Variants in EEFSEC observed in about 807,000 individuals in gnomAD.
The protein encoded by EEFSEC is eukaryotic elongation factor, selenocysteine-tRNA specific.
A neutral mutation model predicts 42.1 loss-of-function variants in EEFSEC; 43 were observed. The observed-to-expected ratio is 1.02, with a 90% CI of 0.80 to 1.32. EEFSEC has a LOEUF of 1.32. Ranked by LOEUF, EEFSEC falls within the 40% of genes most tolerant of loss-of-function variation. The probability of loss-of-function intolerance (pLI) is 0.00; values close to 1 mark genes in which losing one functional copy is unlikely to be tolerated. For synonymous variants in EEFSEC, 354 were observed against 339.1 expected (o/e 1.04, Z -0.48); for missense variants, 745 against 803.6 (o/e 0.93, Z 0.88).
chr3:128,424,057 C>G, the EEFSEC span, among the ~76,000 whole-genome samples: 1 of 152,144 alleles, frequency 6.6e-6, no homozygotes, highest in African/African-American at 2.4e-5. Flanking sequence ...CGCACACACA[C>G]ACTATGCATG....
At chr3:128,393,116 CAAAG>C (rs1056417773) in intron 6 of EEFSEC, among the ~76,000 whole-genome samples, 12 of 152,230 alleles carry the variant, frequency 7.9e-5, no homozygotes, top group African/African-American at 2.9e-4. Flanking sequence ...GTTTAAAAAA[CAAAG>C]AAGAAGCTTT....
At chr3:128,167,081 G>C (rs567114023) in intron 1 of EEFSEC, among the ~76,000 whole-genome samples, 1 of 152,280 alleles carries the variant, frequency 6.6e-6, no homozygotes, top group South Asian at 2.1e-4. Flanking sequence ...ATGCAGGTCT[G>C]TGGACAGACA....
At chr3:128,173,387 G>C (rs548759438) in intron 1 of EEFSEC, among the ~76,000 whole-genome samples, 8 of 152,198 alleles carry the variant, frequency 5.3e-5, no homozygotes, top group Non-Finnish European at 1.0e-4. Context: ...TTTCCAGTCA[G>C]ATTCTTGAAT....
chr3:128,387,144 C>T (rs2067849960), intron 6 of EEFSEC, among the ~76,000 whole-genome samples: 1 of 152,180 alleles, frequency 6.6e-6, no homozygotes, highest in African/African-American at 2.4e-5. Context: ...TGTGCTCCTC[C>T]ACTGGTACTG....
intron 1 of EEFSEC, among the ~76,000 whole-genome samples, chr3:128,235,136 C>T (rs1319290553): frequency 6.6e-6 from 1 of 152,072 alleles, no homozygotes; most frequent in Admixed American, 6.6e-5. Context: ...GTGATCTTGG[C>T]TCACTGCAAC....
intron 6 of EEFSEC, among the ~76,000 whole-genome samples, chr3:128,379,644 G>A (rs2067750375): frequency 6.6e-6 from 1 of 152,198 alleles, no homozygotes; most frequent in African/African-American, 2.4e-5. Context: ...TGTCTCTGGG[G>A]CCCCTAGGAA....
At chr3:128,202,765 G>C (rs1395123189) in intron 1 of EEFSEC, among the ~76,000 whole-genome samples, 1 of 152,142 alleles carries the variant, frequency 6.6e-6, no homozygotes, top group African/African-American at 2.4e-5. Flanking sequence ...TATTTCTCTA[G>C]TAAGTATGGT....
chr3:128,272,951 A>G (rs147105296), intron 4 of EEFSEC, among the ~76,000 whole-genome samples: 63 of 152,234 alleles, frequency 4.1e-4, no homozygotes, highest in East Asian at 3.5e-3. Flanking sequence ...ACACAGATGG[A>G]CTATGTTTGA....
chr3:128,315,883 A>G (rs1202633518), intron 4 of EEFSEC, among the ~76,000 whole-genome samples: 1 of 152,248 alleles, frequency 6.6e-6, no homozygotes, highest in Non-Finnish European at 1.5e-5. Flanking sequence ...GTTACTAAAT[A>G]TAATGTCACT....
At chr3:128,373,919 G>C (rs2067681586) in intron 6 of EEFSEC, among the ~76,000 whole-genome samples, 1 of 152,194 alleles carries the variant, frequency 6.6e-6, no homozygotes, top group African/African-American at 2.4e-5. Context: ...AGGGACTTTT[G>C]GTTCCATTTC....
Position 128,340,369 on chromosome 3 carries a change from T to G in EEFSEC, c.787-864T>G, listed in dbSNP as rs58784670. 8.3e-4 allele frequency among the ~76,000 whole-genome samples: 125 copies of G among 149,958 alleles called. 1 individual carries two copies. Among genetic ancestry groups the G allele is most frequent in the African/African-American group, 2.9e-3 (121 of 41,132 alleles). On this transcript the variant is annotated intron_variant, in intron 4 of 6. Transcript: ENST00000254730. ...CATATAATATTAATGTAGATTAATA[T>G]TATATAATTATATTAATATATATTT...
intron 1 of EEFSEC, among the ~76,000 whole-genome samples, chr3:128,241,472 A>G (rs1043999849): frequency 6.6e-6 from 1 of 152,026 alleles, no homozygotes; most frequent in Middle Eastern, 3.4e-3. Flanking sequence ...CAGCCTCCCA[A>G]AGTGCTGGGA....
chr3:128,415,934 T>G, the EEFSEC span, among the ~76,000 whole-genome samples: 1 of 152,182 alleles, frequency 6.6e-6, no homozygotes, highest in African/African-American at 2.4e-5. Flanking sequence ...TGGGGGGAAG[T>G]GGCTGCTGCC....
At chr3:128,260,378 G>T (rs1026433505) in intron 2 of EEFSEC, among the ~76,000 whole-genome samples, 5 of 152,166 alleles carry the variant, frequency 3.3e-5, no homozygotes, top group African/African-American at 1.2e-4. Context: ...ATTCTTGAAA[G>T]TGTAGATATT....
chr3:128,264,565 C>T, intron 3 of EEFSEC, 52 bp from the exon 4 acceptor site: 1 of 1,589,638 alleles, frequency 6.3e-7, no homozygotes, highest in Non-Finnish European at 8.6e-7. Context: ...CTCTGCCCTG[C>T]CCCATCTGGC....
At chr3:128,270,989 C>T (rs1175056199) in intron 4 of EEFSEC, among the ~76,000 whole-genome samples, 3 of 152,056 alleles carry the variant, frequency 2.0e-5, no homozygotes, top group African/African-American at 7.2e-5. Flanking sequence ...TGGGCTCGGC[C>T]CAGAAAATAT....
chr3:128,197,795 T>C (rs2065601330), intron 1 of EEFSEC, among the ~76,000 whole-genome samples: 1 of 152,060 alleles, frequency 6.6e-6, no homozygotes, highest in Non-Finnish European at 1.5e-5. Context: ...GAGCTCAGGG[T>C]TGAGGTCTGC....
intron 1 of EEFSEC, among the ~76,000 whole-genome samples, chr3:128,175,939 C>G (rs2065343732): frequency 6.6e-6 from 1 of 152,214 alleles, no homozygotes; most frequent in African/African-American, 2.4e-5. Context: ...GATGGACCAG[C>G]TTGTGAGAAT....
At chr3:128,315,623 A>G (rs1207197080) in intron 4 of EEFSEC, among the ~76,000 whole-genome samples, 5 of 152,190 alleles carry the variant, frequency 3.3e-5, no homozygotes, top group Admixed American at 6.5e-5. Context: ...CTTGTGTTGT[A>G]GCCAATTAGT....
Sources: gnomAD v4.1 joint callset for allele counts (sites outside exome capture counted in the v4.1 genomes callset) on GRCh38, gnomAD v4.1.1 for gene constraint, MANE v1.5 for transcripts, NCBI Gene and HGNC (gene_info 2026-07-23, HGNC 2026-07-21) for gene names.